Variants in FBXL13 observed in about 807,000 individuals in gnomAD.
FBXL13 encodes the protein F-box and leucine rich repeat protein 13, also known as F-box and leucine-rich repeat protein 13.
A neutral mutation model predicts 83.6 loss-of-function variants in FBXL13; 67 were observed. The observed-to-expected ratio is 0.80, with a 90% CI of 0.66 to 0.98. FBXL13 has a LOEUF of 0.98. Among genes scored for constraint, FBXL13 ranks in the 50% least tolerant of loss-of-function variants. FBXL13 has a pLI of 0.00. For synonymous variants in FBXL13, 272 were observed against 299.5 expected (o/e 0.91, Z 0.95); for missense variants, 822 against 866.5 (o/e 0.95, Z 0.64).
chr7:102,847,676 G>A (rs1292010764), intron 17 of FBXL13, among the ~76,000 whole-genome samples: 1 of 151,896 alleles, frequency 6.6e-6, no homozygotes, highest in Non-Finnish European at 1.5e-5. Flanking sequence ...AGAGGTGTGC[G>A]CCACTATGCC....
intron 6 of FBXL13, among the ~76,000 whole-genome samples, chr7:102,977,205 A>G (rs188235030): frequency 6.6e-6 from 1 of 152,286 alleles, no homozygotes; most frequent in Non-Finnish European, 1.5e-5. Context: ...ACTCCCATAT[A>G]TATGCTAAAT....
chr7:103,044,298 C>G (rs892608865), intron 2 of FBXL13, among the ~76,000 whole-genome samples: 8 of 152,092 alleles, frequency 5.3e-5, no homozygotes, highest in African/African-American at 1.9e-4. Flanking sequence ...AGATAAATAA[C>G]AACCAAGTGC....
chr7:102,840,716 C>A (rs1389674707), intron 17 of FBXL13, among the ~76,000 whole-genome samples: 2 of 152,106 alleles, frequency 1.3e-5, no homozygotes. Context: ...TCAAGGGAGG[C>A]TACCAGTCTA....
intron 6 of FBXL13, among the ~76,000 whole-genome samples, chr7:102,982,959 C>T (rs970310994): frequency 1.3e-5 from 2 of 152,124 alleles, no homozygotes; most frequent in Admixed American, 6.6e-5. Context: ...TACCATTATC[C>T]CATACCCTCA....
At chr7:103,054,243 T>C (rs1258245172) in intron 2 of FBXL13, among the ~76,000 whole-genome samples, 1 of 151,936 alleles carries the variant, frequency 6.6e-6, no homozygotes, top group Admixed American at 6.6e-5. Flanking sequence ...AAATTATATT[T>C]TAGTGGCGTG....
At chr7:103,068,179 A>G (rs1430514463) in intron 1 of FBXL13, among the ~76,000 whole-genome samples, 1 of 152,248 alleles carries the variant, frequency 6.6e-6, no homozygotes, top group African/African-American at 2.4e-5. Flanking sequence ...CTGCGGGCAC[A>G]AGAACAATGA....
chr7:102,939,286 G>A (rs1003710916), intron 8 of FBXL13: 8 of 636,134 alleles, frequency 1.3e-5, no homozygotes, highest in Non-Finnish European at 1.8e-5. Context: ...GCTAAGGCTT[G>A]TTTCATACTA....
intron 1 of FBXL13, among the ~76,000 whole-genome samples, chr7:103,069,947 C>T (rs1423348839): frequency 6.6e-6 from 1 of 151,966 alleles, no homozygotes; most frequent in Non-Finnish European, 1.5e-5. Flanking sequence ...GGCATGGTGG[C>T]AGGCGCCTGT....
intron 8 of FBXL13, among the ~76,000 whole-genome samples, chr7:102,960,772 C>A (rs1486150836): frequency 6.6e-6 from 1 of 151,626 alleles, no homozygotes; most frequent in Non-Finnish European, 1.5e-5. Flanking sequence ...AAGCCTTTGA[C>A]AAAATTCAAC....
chr7:102,982,090 C>T (rs1052153328), intron 6 of FBXL13, among the ~76,000 whole-genome samples: 4 of 152,044 alleles, frequency 2.6e-5, no homozygotes, highest in African/African-American at 4.8e-5. Flanking sequence ...TCCCACTTCT[C>T]CTTGATAGTT....
chr7:102,925,572 C>T (rs955592596), intron 10 of FBXL13, among the ~76,000 whole-genome samples: 1 of 152,104 alleles, frequency 6.6e-6, no homozygotes, highest in African/African-American at 2.4e-5. Context: ...GGAGTCTCAA[C>T]AGGTAGCCAG....
At chr7:103,034,784 G>A (rs750483584) in intron 2 of FBXL13, among the ~76,000 whole-genome samples, 22 of 152,218 alleles carry the variant, frequency 1.4e-4, no homozygotes, top group Non-Finnish European at 2.5e-4. Context: ...CCCCACTACT[G>A]TACAGCACAC....
At chr7:102,903,796 C>A (rs1293118446) in intron 11 of FBXL13, among the ~76,000 whole-genome samples, 1 of 152,006 alleles carries the variant, frequency 6.6e-6, no homozygotes, top group Non-Finnish European at 1.5e-5. Context: ...GTTGAACCAT[C>A]CTTGCATCCC....
In FBXL13 at chr7:102,933,752, T is replaced by C. The variant is rs184111764; in HGVS notation, c.725-1819A>G. Reference sequence around the variant, plus strand: ...GCTTGCAATGGGCCTTAATTTTTAATATATATTTTTTTCTCTTCCAGCCTA... The same window carrying C: ...GCTTGCAATGGGCCTTAATTTTTAACATATATTTTTTTCTCTTCCAGCCTA... On this transcript the variant is annotated intron_variant, in intron 8 of 19. Transcript: ENST00000313221. The C allele has an allele frequency of 8.1e-5, 52 of 640,740 alleles. No homozygotes were observed. In the East Asian group the frequency reaches 1.5e-3, roughly 19 times the overall value. The allele number at this position is 640,740 out of a possible 1,614,324, so 39.7% of individuals were successfully genotyped here. A position where few individuals can be genotyped will look rare whatever the true frequency, so the allele number is the denominator to read the frequency against.
chr7:102,932,008 A>T, intron 8 of FBXL13, 75 bp from the exon 10 acceptor site: 1 of 1,294,518 alleles, frequency 7.7e-7, no homozygotes, highest in South Asian at 1.2e-5. Context: ...TCTTACATTG[A>T]ATGCAATGTA....
At chr7:102,890,101 AT>A (rs1811348918) in intron 11 of FBXL13, among the ~76,000 whole-genome samples, 1 of 152,174 alleles carries the variant, frequency 6.6e-6, no homozygotes, top group Non-Finnish European at 1.5e-5. Context: ...CCAAAAAGAT[AT>A]TTGGCTAATA....
intron 6 of FBXL13, among the ~76,000 whole-genome samples, chr7:103,020,246 C>T (rs1792972879): frequency 6.6e-6 from 1 of 152,156 alleles, no homozygotes; most frequent in Non-Finnish European, 1.5e-5. Flanking sequence ...TCAATAGATA[C>T]AGAAAAGGCC....
chr7:103,064,550 A>G (rs1328275937), intron 1 of FBXL13, among the ~76,000 whole-genome samples: 1 of 152,176 alleles, frequency 6.6e-6, no homozygotes, highest in Non-Finnish European at 1.5e-5. Context: ...CTTTTTAGAG[A>G]CTGCTTTGAG....
chr7:102,972,788 CA>C (rs1826877195), intron 6 of FBXL13, among the ~76,000 whole-genome samples: 1 of 151,410 alleles, frequency 6.6e-6, no homozygotes, highest in Admixed American at 6.6e-5. Flanking sequence ...CCAAGTATAT[CA>C]ATAATCATAA....
Sources: gnomAD v4.1 joint callset for allele counts (sites outside exome capture counted in the v4.1 genomes callset) on GRCh38, gnomAD v4.1.1 for gene constraint, MANE v1.5 for transcripts, NCBI Gene and HGNC (gene_info 2026-07-23, HGNC 2026-07-21) for gene names.